CPED1: variants seen among roughly 807,000 people sequenced by gnomAD.
The protein encoded by CPED1 is cadherin like and PC-esterase domain containing 1, also known as cadherin-like and PC-esterase domain-containing protein 1.
Under a neutral mutation model 128.2 loss-of-function variants are expected in CPED1, and 114 were observed. The ratio of observed to expected loss-of-function variants is 0.89; its 90% confidence interval spans 0.76 to 1.04. CPED1 has a LOEUF of 1.04. Among genes scored for constraint, CPED1 ranks in the 50% least tolerant of loss-of-function variants. CPED1 has a pLI of 0.00. For missense variants in CPED1, 1,211 were observed against 1,207.1 expected (o/e 1.00, Z -0.05); for synonymous variants, 462 against 426.7 (o/e 1.08, Z -1.02).
chr7:121,165,162 A>G (rs1470276045), intron 16 of CPED1, among the ~76,000 whole-genome samples: 1 of 152,196 alleles, frequency 6.6e-6, no homozygotes, highest in East Asian at 1.9e-4. Flanking sequence ...AAAAAGGAAC[A>G]AAAAAGGAAA....
At chr7:121,091,017 T>C (rs920145464) in intron 5 of CPED1, among the ~76,000 whole-genome samples, 5 of 152,136 alleles carry the variant, frequency 3.3e-5, no homozygotes, top group Admixed American at 6.6e-5. Flanking sequence ...TTATATTATT[T>C]AAGCTGAAGT....
At chr7:121,209,160 CTTTT>C (rs1303833570) in intron 16 of CPED1, among the ~76,000 whole-genome samples, 1 of 151,878 alleles carries the variant, frequency 6.6e-6, no homozygotes, top group African/African-American at 2.4e-5. Flanking sequence ...GTGGTATTTT[CTTTT>C]TGTTTTTGGC....
chr7:121,174,290 A>G (rs1362606576), intron 16 of CPED1, among the ~76,000 whole-genome samples: 3 of 151,964 alleles, frequency 2.0e-5, no homozygotes, highest in African/African-American at 2.4e-5. Context: ...TCATAAAATA[A>G]TTGCTCATTC....
intron 7 of CPED1, among the ~76,000 whole-genome samples, chr7:121,113,881 T>C (rs548779621): frequency 6.6e-6 from 1 of 152,220 alleles, no homozygotes; most frequent in Non-Finnish European, 1.5e-5. Context: ...CAGGCTTGAG[T>C]GCAGTTGCAC....
In CPED1 at chr7:121,257,396, T is replaced by C. The variant is rs116213464; in HGVS notation, c.2311-8831T>C. On this transcript the variant is annotated intron_variant, in intron 18 of 22. Coordinates refer to ENST00000310396, the MANE Select transcript of CPED1 (RefSeq NM_024913.5). ...TAAATATTTCTGTATGATTTTCATT[T>C]TTACAGTGTGTGAGCACTGTTTTCT... 7.1e-3 allele frequency among the ~76,000 whole-genome samples: 1,078 copies of C among 152,224 alleles called. 13 individuals carry two copies. The highest frequency in any genetic ancestry group is 0.025 in the African/African-American group (1,034 of 41,562).
At chr7:121,005,651 A>G (rs1191464406) in intron 2 of CPED1, among the ~76,000 whole-genome samples, 2 of 152,200 alleles carry the variant, frequency 1.3e-5, no homozygotes, top group Non-Finnish European at 2.9e-5. Flanking sequence ...AGTATAATAA[A>G]AAAATTTAGA....
chr7:121,135,905 A>T, intron 13 of CPED1, 135 bp from the exon 14 acceptor site: 1 of 560,458 alleles, frequency 1.8e-6, no homozygotes, highest in Non-Finnish European at 2.9e-6. Flanking sequence ...TTACAGTTTG[A>T]CTTAGAAGTG....
chr7:121,117,332 C>T (rs1326501322), intron 7 of CPED1, among the ~76,000 whole-genome samples: 1 of 151,726 alleles, frequency 6.6e-6, no homozygotes, highest in Non-Finnish European at 1.5e-5. Flanking sequence ...AACTAATGAC[C>T]TCAGGTGATC....
At chr7:121,198,702 A>G (rs1797323512) in intron 16 of CPED1, among the ~76,000 whole-genome samples, 1 of 152,172 alleles carries the variant, frequency 6.6e-6, no homozygotes, top group Non-Finnish European at 1.5e-5. Flanking sequence ...AAAGCCGTTC[A>G]TGTAGCTGTA....
intron 12 of CPED1, among the ~76,000 whole-genome samples, chr7:121,131,414 C>G (rs1428086708): frequency 1.3e-5 from 2 of 151,606 alleles, no homozygotes; most frequent in Non-Finnish European, 2.9e-5. Flanking sequence ...TTTACACTCA[C>G]TCAAATAATC....
In CPED1 at chr7:121,124,351, A is replaced by G; in HGVS notation, c.939A>G (p.Thr313=). Residue 313 remains threonine (T), a synonymous_variant, in exon 8 of 23, where the codon ACA becomes ACG. Transcript: ENST00000310396. ...CACAGCTGCAAACATTTTTTGAGAC[A>G]TTCCTGAGAGCCAGTTCACCTCAAC... ...FTVKLQTFFE[T]FLRASSPQQA... 1.9e-6 allele frequency: 3 copies of G among 1,606,806 alleles called. No individual in the cohort carries two copies. The highest frequency in any genetic ancestry group is 1.7e-5 in the Admixed American group (1 of 58,606).
intron 5 of CPED1, among the ~76,000 whole-genome samples, chr7:121,082,424 A>T (rs1794316306): frequency 6.6e-6 from 1 of 152,188 alleles, no homozygotes. Context: ...AGAAATAGGC[A>T]AGTAAGTACA....
chr7:121,130,692 T>G (rs1212159432), intron 12 of CPED1, among the ~76,000 whole-genome samples: 2 of 151,798 alleles, frequency 1.3e-5, no homozygotes, highest in East Asian at 3.9e-4. Context: ...TAGAAAGTTT[T>G]TGAGGTGTGA....
At chr7:121,154,212 A>C (rs1396311909) in intron 16 of CPED1, among the ~76,000 whole-genome samples, 1 of 152,212 alleles carries the variant, frequency 6.6e-6, no homozygotes, top group East Asian at 1.9e-4. Flanking sequence ...TCTCCATATG[A>C]GGAGTTTAAC....
chr7:121,008,311 G>A (rs1023109763), intron 2 of CPED1, among the ~76,000 whole-genome samples: 1 of 152,012 alleles, frequency 6.6e-6, no homozygotes. Flanking sequence ...TTTCCTACTA[G>A]CTACTTAACA....
chr7:121,292,639 C>A (rs1320605633), intron 22 of CPED1, among the ~76,000 whole-genome samples: 1 of 152,100 alleles, frequency 6.6e-6, no homozygotes, highest in African/African-American at 2.4e-5. Flanking sequence ...CTGGCTTTTC[C>A]TCATCTTCGT....
At chr7:121,056,233 G>C (rs1263111823) in intron 4 of CPED1, among the ~76,000 whole-genome samples, 4 of 151,980 alleles carry the variant, frequency 2.6e-5, no homozygotes, top group African/African-American at 9.7e-5. Flanking sequence ...AATTATGAGT[G>C]ATTACTGTTT....
chr7:121,144,602 C>A (rs1795979766), intron 16 of CPED1, among the ~76,000 whole-genome samples: 2 of 151,776 alleles, frequency 1.3e-5, no homozygotes. Flanking sequence ...GGAATAAGGT[C>A]TAATGTTCAA....
intron 22 of CPED1, 98 bp downstream of exon 22, chr7:121,271,528 A>C (rs892359522): frequency 8.3e-7 from 1 of 1,209,374 alleles, no homozygotes; most frequent in African/African-American, 1.5e-5. Flanking sequence ...GCATGAAACA[A>C]AAAACAATGT....
Sources: allele counts gnomAD v4.1 joint callset (sites outside exome capture counted in the v4.1 genomes callset), GRCh38; gene constraint gnomAD v4.1.1; transcripts MANE v1.5; gene names NCBI Gene and HGNC (gene_info 2026-07-23, HGNC 2026-07-21).